SLC22A11: variants seen among roughly 807,000 people sequenced by gnomAD.
The protein encoded by SLC22A11 is organic anion transporter 4.
A neutral mutation model predicts 49.4 loss-of-function variants in SLC22A11; 42 were observed. The observed-to-expected ratio is 0.85, with a 90% confidence interval of 0.66 to 1.10. The LOEUF (loss-of-function observed/expected upper bound fraction) is 1.10. SLC22A11 is among the 50% of genes least tolerant of loss of function. The probability of loss-of-function intolerance (pLI) is 0.00; values close to 1 mark genes in which losing one functional copy is unlikely to be tolerated. For missense variants in SLC22A11, 685 were observed against 731.6 expected (o/e 0.94, Z 0.74); for synonymous variants, 304 against 315.8 (o/e 0.96, Z 0.40).
chr11:64,570,945 C>T (rs2038695314), intron 9 of SLC22A11, 34 bp from the exon 10 acceptor site: 4 of 1,613,184 alleles, frequency 2.5e-6, no homozygotes, highest in Non-Finnish European at 3.4e-6. Flanking sequence ...ACCCACTTCA[C>T]CACATGGCAC....
chr11:64,556,989 C>T (rs929952688), intron 1 of SLC22A11, among the ~76,000 whole-genome samples: 4 of 152,184 alleles, frequency 2.6e-5, no homozygotes, highest in African/African-American at 4.8e-5. Context: ...ATTTCCTGAT[C>T]GGTGATGATG....
rs140565683 is a variant in SLC22A11, at chr11:64,562,109, C to T, written c.603C>T (p.Phe201=). The T allele has an allele frequency of 1.9e-5, 30 of 1,613,814 alleles. No homozygotes were observed. The highest frequency in any genetic ancestry group is 2.3e-5 in the Non-Finnish European group (27 of 1,180,038). The change falls in exon 3 of 10, where the codon TTC becomes TTT. Residue 201 remains phenylalanine, a synonymous_variant. Transcript: ENST00000301891. The surrounding 1 kb of genome is among the most constrained non-coding windows in gnomAD (Gnocchi z 4.4). ...PTFVIYCGLR[F]VAAFGMAGIF... ...TCGTCATCTACTGCGGCCTGCGGTT[C>T]GTGGCCGCTTTTGGGATGGCCGGCA...
rs2038564352 is a variant in SLC22A11, at chr11:64,562,528, C to A, written c.821+93C>A. 3.7e-6 allele frequency: 5 copies of A among 1,347,202 alleles called. No homozygotes were observed. Among genetic ancestry groups the A allele is most frequent in the Admixed American group, 2.4e-5 (1 of 41,088 alleles). 83.5% of individuals were successfully genotyped at this position (1,347,202 alleles called of 1,614,324 possible). ...CTCTGGCTGGCAGTAGGTCCAGAGA[C>A]CTGGAGTGCCACAGAAGGGCCATGG... On this transcript the variant is annotated intron_variant, in intron 4 of 9. Coordinates refer to ENST00000301891, the MANE Select transcript of SLC22A11 (RefSeq NM_018484.4). The surrounding 1 kb of genome is among the most constrained non-coding windows in gnomAD (Gnocchi z 4.4).
intron 8 of SLC22A11, among the ~76,000 whole-genome samples, chr11:64,569,293 T>C (rs374216489): frequency 6.6e-6 from 1 of 152,342 alleles, no homozygotes; most frequent in Admixed American, 6.5e-5. Context: ...AGCCCAATGT[T>C]CTTTCCACCA....
At position 64,556,175 on chromosome 11, in the gene SLC22A11, C is replaced by T. The variant is rs764622372; in HGVS notation, c.176C>T (p.Ala59Val). 2.0e-5 allele frequency: 33 copies of T among 1,614,088 alleles called. No individual in the cohort carries two copies. Among genetic ancestry groups the T allele is most frequent in the African/African-American group, 5.3e-5 (4 of 74,930 alleles). The change falls in exon 1 of 10, where the codon GCG becomes GTG. Residue 59 changes from alanine (A) to valine (V), a missense_variant. Transcript: ENST00000301891. ...CWTHMLDNGS[A>V]VSTNMTPKAL... is the part of the protein sequence containing the mutation. ...ACACACATGCTGGACAATGGCTCTG[C>T]GGTTTCCACAAACATGACCCCCAAG...
intron 4 of SLC22A11, among the ~76,000 whole-genome samples, chr11:64,563,524 C>T (rs1474882123): frequency 6.6e-5 from 10 of 150,492 alleles, no homozygotes; most frequent in Admixed American, 4.0e-4. Context: ...AAGTGTTTCT[C>T]CTGGCCCACC....
intron 1 of SLC22A11, among the ~76,000 whole-genome samples, chr11:64,558,373 C>T (rs575350116): frequency 6.6e-6 from 1 of 152,274 alleles, no homozygotes; most frequent in East Asian, 1.9e-4. Context: ...ATGGGGAGCC[C>T]ACTGGAGGCT....
chr11:64,556,047 C>G lies in SLC22A11; in HGVS notation c.48C>G (p.Phe16Leu). The change falls in exon 1 of 10, where the codon TTC becomes TTG. Residue 16 changes from phenylalanine (F) to leucine (L), a missense_variant. Physicochemically the swap from Phe to Leu is conservative, Grantham distance 22. Transcript: ENST00000301891. ...AGCAAGCCGGAGGCGTGGGCCTCTT[C>G]CAGACCCTGCAGGTGCTCACCTTCA... ...LLEQAGGVGL[F>L]QTLQVLTFIL... The G allele has an allele frequency of 6.2e-7, 1 of 1,613,598 alleles. No individual in the cohort carries two copies. The highest frequency in any genetic ancestry group is 8.5e-7 in the Non-Finnish European group (1 of 1,180,016).
At chr11:64,568,598 C>A in intron 7 of SLC22A11, 72 bp from the exon 8 acceptor site, 1 of 1,304,906 alleles carries the variant, frequency 7.7e-7, no homozygotes, top group Non-Finnish European at 1.1e-6. Flanking sequence ...TCCAGGCTGG[C>A]TGGCCGCACA....
chr11:64,556,531 CAG>C (rs1035012413), intron 1 of SLC22A11, 139 bp downstream of exon 1: 50 of 1,347,324 alleles, frequency 3.7e-5, no homozygotes, highest in Non-Finnish European at 4.9e-5. Flanking sequence ...CAGCCACACA[CAG>C]GGGAGTGGGC....
intron 1 of SLC22A11, among the ~76,000 whole-genome samples, chr11:64,557,627 CTTT>C (rs766276214): frequency 7.7e-5 from 8 of 104,054 alleles, no homozygotes; most frequent in Middle Eastern, 5.2e-3. Context: ...TTTTCTTTCT[CTTT>C]TTTTTTTTTT....
chr11:64,564,960 C>G lies in SLC22A11; in HGVS notation c.943-262C>G, dbSNP rs754017571. ...CCAGAGATTAGAGTGAAGATGGGGT[C>G]GGAGGATAAGGGAAGGCTTCCAGAA... On this transcript the variant is annotated intron_variant, in intron 5 of 9. Transcript: ENST00000301891. The surrounding 1 kb of genome is among the most constrained non-coding windows in gnomAD (Gnocchi z 4.2). Among the ~76,000 whole-genome samples the G allele has an allele frequency of 1.3e-5, 2 of 152,128 alleles. No individual in the cohort carries two copies. Among genetic ancestry groups the G allele is most frequent in the Non-Finnish European group, 2.9e-5 (2 of 68,018 alleles).
chr11:64,557,032 A>C (rs1315163645), intron 1 of SLC22A11, among the ~76,000 whole-genome samples: 1 of 152,178 alleles, frequency 6.6e-6, no homozygotes, highest in East Asian at 1.9e-4. Context: ...CGGTTCCAAC[A>C]TGAGCAGGGA....
Position 64,562,553 on chromosome 11 carries a change from GC to G in SLC22A11, c.821+119del. 2.7e-6 allele frequency: 3 copies of G among 1,099,094 alleles called. No homozygotes were observed. Among genetic ancestry groups the G allele is most frequent in the Non-Finnish European group, 3.8e-6 (3 of 785,706 alleles). 68.1% of individuals were successfully genotyped at this position (1,099,094 alleles called of 1,614,324 possible). On this transcript the variant is annotated intron_variant, in intron 4 of 9. Coordinates refer to ENST00000301891, the MANE Select transcript of SLC22A11 (RefSeq NM_018484.4). This position sits in a 1 kb window ranked among gnomAD's most constrained non-coding sequence, Gnocchi z 4.4. The stretch of plus-strand genomic sequence containing the variant: ...CCTGGAGTGCCACAGAAGGGCCATG[GC>G]ATGAGCGGCACCCTCGCTAGGGAGG...
chr11:64,567,903 C>T, intron 7 of SLC22A11, 90 bp downstream of exon 7: 9 of 1,352,730 alleles, frequency 6.7e-6, no homozygotes, highest in Admixed American at 2.2e-5. Flanking sequence ...CCTCCCTGGC[C>T]CCAGGAGCTG....
intron 2 of SLC22A11, among the ~76,000 whole-genome samples, chr11:64,560,654 C>T (rs2038530925): frequency 1.3e-5 from 2 of 152,238 alleles, no homozygotes; most frequent in South Asian, 2.1e-4. Flanking sequence ...CCAGCCCCTC[C>T]TTGCTTCCCT....
At chr11:64,556,838 A>AG (rs1206101764) in intron 1 of SLC22A11, among the ~76,000 whole-genome samples, 4 of 151,906 alleles carry the variant, frequency 2.6e-5, no homozygotes, top group Non-Finnish European at 5.9e-5. Flanking sequence ...CTGGGGGCAG[A>AG]GGGGGGTTCT....
At chr11:64,567,048 C>T (rs755213842) in intron 6 of SLC22A11, among the ~76,000 whole-genome samples, 3 of 152,126 alleles carry the variant, frequency 2.0e-5, no homozygotes, top group African/African-American at 7.2e-5. Flanking sequence ...GGAGCTGGGG[C>T]CTTTCTGGGT....
chr11:64,561,012 G>A (rs1240806324), intron 2 of SLC22A11, among the ~76,000 whole-genome samples: 9 of 152,252 alleles, frequency 5.9e-5, no homozygotes, highest in African/African-American at 1.9e-4. Flanking sequence ...GTTGTCGTGA[G>A]GATGAAGCGA....
Sources: allele counts gnomAD v4.1 joint callset (sites outside exome capture counted in the v4.1 genomes callset), GRCh38; gene constraint gnomAD v4.1.1; non-coding constraint Gnocchi (gnomAD v3.1); transcripts MANE v1.5; gene names NCBI Gene and HGNC (gene_info 2026-07-23, HGNC 2026-07-21).